The following BMP1 variants were observed in gnomAD, a reference collection of about 807,000 sequenced individuals.
BMP1 encodes the protein mammalian tolloid protein.
In BMP1, 63 loss-of-function variants were observed where a neutral mutation model predicts 116.8. That is an observed-to-expected ratio of 0.54 (90% CI 0.44 to 0.67). The LOEUF (loss-of-function observed/expected upper bound fraction) is 0.67. Ranked by LOEUF, BMP1 falls within the 30% of genes least tolerant of loss-of-function variation. The probability of loss-of-function intolerance (pLI) is 0.00; values close to 1 mark genes in which losing one functional copy is unlikely to be tolerated. For missense variants in BMP1, 1,183 were observed against 1,358.9 expected, an observed-to-expected ratio of 0.87 and a Z score of 2.04; for synonymous variants, 536 against 533.4, an observed-to-expected ratio of 1.00 and a Z score of -0.07.
At chr8:22,188,340 T>TA (rs923916702) in intron 8 of BMP1, among the ~76,000 whole-genome samples, 8 of 152,164 alleles carry the variant, frequency 5.3e-5, no homozygotes, top group African/African-American at 1.9e-4. Flanking sequence ...GGCAAATTTT[T>TA]AAATTTTTTT....
chr8:22,192,036 C>A lies in BMP1; in HGVS notation c.1078-13C>A. The A allele has an allele frequency of 6.2e-7, 1 of 1,606,358 alleles. No homozygotes were observed. Among genetic ancestry groups the A allele is most frequent in the South Asian group, 1.1e-5 (1 of 90,876 alleles). ...CGGGACAGCTTAACCCTCTTCCTCC[C>A]CTGTTGCCCTAGATCATCCTGAACT... On this transcript the variant is annotated splice_polypyrimidine_tract_variant and intron_variant, in intron 8 of 19. Coordinates refer to ENST00000306385, the MANE Select transcript of BMP1 (RefSeq NM_006129.5).
intron 15 of BMP1, chr8:22,201,070 TCCACCC>T: frequency 3.0e-6 from 3 of 992,604 alleles, no homozygotes; most frequent in Non-Finnish European, 4.1e-6. Flanking sequence ...GTCCCTGCCC[TCCACCC>T]CCACCCCTTG....
intron 15 of BMP1, among the ~76,000 whole-genome samples, chr8:22,197,920 C>A (rs555727347): frequency 6.6e-6 from 1 of 152,310 alleles, no homozygotes; most frequent in Admixed American, 6.5e-5. Context: ...CGCGGTGGCT[C>A]ACGCCTGTAA....
chr8:22,204,840 A>G (rs1829324192), intron 16 of BMP1, among the ~76,000 whole-genome samples: 1 of 151,716 alleles, frequency 6.6e-6, no homozygotes, highest in South Asian at 2.1e-4. Flanking sequence ...GGCCATAGCG[A>G]GTGTTCTCGA....
intron 15 of BMP1, chr8:22,199,490 C>T (rs967359757): frequency 2.8e-5 from 31 of 1,115,448 alleles, no homozygotes; most frequent in African/African-American, 9.8e-5. Context: ...ACTCCTGCCC[C>T]GGACACTGAA....
intron 15 of BMP1, 130 bp downstream of exon 15, chr8:22,197,550 C>A: frequency 3.0e-6 from 3 of 998,804 alleles, no homozygotes; most frequent in Non-Finnish European, 1.5e-6. Context: ...GCCCCCTGCT[C>A]CCCACCACTT....
In BMP1 at chr8:22,179,892, G is replaced by A. The variant is rs1052797062; in HGVS notation, c.961+63G>A. ...CAGGGCCTGAGGGAGGCAGAGGCCA[G>A]GTGCCTGGTGCCACCAAGAAGGCTT... On this transcript the variant is annotated intron_variant, in intron 7 of 19. Transcript: ENST00000306385. The surrounding 1 kb of genome is among the most constrained non-coding windows in gnomAD (Gnocchi z 4.6). 6.7e-7 allele frequency: 1 copy of A among 1,500,654 alleles called. No individual in the cohort carries two copies. Among genetic ancestry groups the A allele is most frequent in the African/African-American group, 1.4e-5 (1 of 72,184 alleles). The allele number at this position is 1,500,654 out of a possible 1,614,324, so 93.0% of individuals were successfully genotyped here.
intron 16 of BMP1, among the ~76,000 whole-genome samples, 198 bp downstream of exon 16, chr8:22,202,126 C>T (rs1039839271): frequency 2.6e-5 from 4 of 152,360 alleles, no homozygotes; most frequent in South Asian, 2.1e-4. Flanking sequence ...CTGTTGCCCA[C>T]ATTAGGAGAG....
At chr8:22,178,027 T>G in intron 6 of BMP1, 70 bp downstream of exon 6, 1 of 1,258,704 alleles carries the variant, frequency 7.9e-7, no homozygotes, top group Non-Finnish European at 1.1e-6. Flanking sequence ...GCTATTCTCC[T>G]CCTGCCTCCC....
intron 8 of BMP1, among the ~76,000 whole-genome samples, chr8:22,187,915 G>A (rs142943542): frequency 9.9e-5 from 15 of 152,274 alleles, no homozygotes; most frequent in Non-Finnish European, 1.8e-4. Flanking sequence ...GGACACGGAG[G>A]CACAGAGGAA....
intron 1 of BMP1, among the ~76,000 whole-genome samples, chr8:22,172,607 C>CTTTTT (rs368585884): frequency 4.1e-5 from 4 of 97,330 alleles, no homozygotes; most frequent in African/African-American, 9.2e-5. Context: ...TTTATTTCCT[C>CTTTTT]TTTTTTTTTT....
chr8:22,191,375 A>G (rs918228277), intron 8 of BMP1, among the ~76,000 whole-genome samples: 1 of 152,226 alleles, frequency 6.6e-6, no homozygotes, highest in African/African-American at 2.4e-5. Context: ...TCTTGAGGAC[A>G]GGGACGGATT....
In BMP1 at chr8:22,194,600, T is replaced by G. The variant is rs760888174; in HGVS notation, c.1443+10T>G. ...ATTCCAGTCCTTTGAGGTAGGTCAG[T>G]GGCCCTGTGATCTGACCTTTGAATC... On this transcript the variant is annotated intron_variant, in intron 11 of 19. Coordinates refer to ENST00000306385, the MANE Select transcript of BMP1 (RefSeq NM_006129.5). This position sits in a 1 kb window ranked among gnomAD's most constrained non-coding sequence, Gnocchi z 4.5. 6.2e-7 allele frequency: 1 copy of G among 1,613,940 alleles called. No homozygotes were observed. Among genetic ancestry groups the G allele is most frequent in the Non-Finnish European group, 8.5e-7 (1 of 1,179,876 alleles).
intron 8 of BMP1, among the ~76,000 whole-genome samples, chr8:22,181,268 G>T (rs1427110336): frequency 6.6e-6 from 1 of 152,210 alleles, no homozygotes; most frequent in East Asian, 1.9e-4. Flanking sequence ...GAAGTACCCA[G>T]TTCTCATACT....
At chr8:22,210,464 T>TCACACA (rs1261150197) in intron 19 of BMP1, among the ~76,000 whole-genome samples, 1 of 90,564 alleles carries the variant, frequency 1.1e-5, no homozygotes, top group Non-Finnish European at 2.0e-5. Context: ...TCTCTCTCTC[T>TCACACA]CTCTCACACA....
chr8:22,205,392 TG>T (rs1239528171), intron 16 of BMP1, among the ~76,000 whole-genome samples: 1 of 152,120 alleles, frequency 6.6e-6, no homozygotes, highest in Non-Finnish European at 1.5e-5. Context: ...AGGAGCAGGC[TG>T]GGTGGTCAGC....
At chr8:22,210,468 T>TCTCTCTCTCTCTCACACA (rs10664439) in intron 19 of BMP1, among the ~76,000 whole-genome samples, 64 of 135,560 alleles carry the variant, frequency 4.7e-4, no homozygotes, top group African/African-American at 1.5e-3. Context: ...TCTCTCTCTC[T>TCTCTCTCTCTCTCACACA]CACACACATA....
intron 8 of BMP1, among the ~76,000 whole-genome samples, chr8:22,189,323 G>A (rs965881156): frequency 2.6e-5 from 4 of 151,752 alleles, no homozygotes; most frequent in South Asian, 2.1e-4. Flanking sequence ...AATTGTGGTC[G>A]CCGTTCCATG....
intron 3 of BMP1, 24 bp from the exon 4 acceptor site, chr8:22,176,509 A>G (rs923464454): frequency 3.1e-6 from 5 of 1,611,880 alleles, no homozygotes; most frequent in Non-Finnish European, 3.4e-6. Context: ...CACCGTGGCA[A>G]CCTGGCTTCC....
Sources: gnomAD v4.1 joint callset for allele counts (sites outside exome capture counted in the v4.1 genomes callset) on GRCh38, gnomAD v4.1.1 for gene constraint, Gnocchi (gnomAD v3.1) non-coding constraint, MANE v1.5 for transcripts, NCBI Gene and HGNC (gene_info 2026-07-23, HGNC 2026-07-21) for gene names.